The following BAZ2B variants were observed in gnomAD, a reference collection of about 807,000 sequenced individuals.
BAZ2B encodes bromodomain adjacent to zinc finger domain protein 2B.
A neutral mutation model predicts 246.0 loss-of-function variants in BAZ2B; 91 were observed. That is an observed-to-expected ratio of 0.37 (90% CI 0.31 to 0.44). The LOEUF (loss-of-function observed/expected upper bound fraction) is 0.44. Ranked by LOEUF, BAZ2B falls within the 20% of genes least tolerant of loss-of-function variation. BAZ2B has a pLI of 1.00. For missense variants in BAZ2B, 2,332 were observed against 2,533.7 expected (o/e 0.92, Z 1.71); for synonymous variants, 855 against 860.0 (o/e 0.99, Z 0.10).
chr2:159,661,825 G>A, the BAZ2B span, among the ~76,000 whole-genome samples: 1 of 151,650 alleles, frequency 6.6e-6, no homozygotes, highest in Non-Finnish European at 1.5e-5. Flanking sequence ...TACTAAGGTT[G>A]GTCTCGAACT....
chr2:159,671,605 A>G, the BAZ2B span, among the ~76,000 whole-genome samples: 1 of 152,192 alleles, frequency 6.6e-6, no homozygotes, highest in Non-Finnish European at 1.5e-5. Context: ...AACTTTTCAG[A>G]GGCCTGGTCA....
chr2:159,489,583 C>A (rs572573346), intron 2 of BAZ2B, among the ~76,000 whole-genome samples: 5 of 152,204 alleles, frequency 3.3e-5, no homozygotes, highest in African/African-American at 1.2e-4. Flanking sequence ...AAACCCCAAA[C>A]CGGATAAACC....
the BAZ2B span, among the ~76,000 whole-genome samples, chr2:159,708,484 G>A: frequency 9.2e-5 from 14 of 152,140 alleles, no homozygotes; most frequent in South Asian, 2.9e-3. Context: ...AAGCTTAGAT[G>A]TAAGAGAGGT....
At chr2:159,611,548 A>G (rs1694723101) in intron 1 of BAZ2B, among the ~76,000 whole-genome samples, 1 of 152,006 alleles carries the variant, frequency 6.6e-6, no homozygotes, top group African/African-American at 2.4e-5. Context: ...TCAGGAAATC[A>G]TAATTCTGGA....
At chr2:159,678,425 T>C in the BAZ2B span, among the ~76,000 whole-genome samples, 1 of 152,248 alleles carries the variant, frequency 6.6e-6, no homozygotes, top group African/African-American at 2.4e-5. Flanking sequence ...TCTTTGCATA[T>C]AGTTTCTTAG....
chr2:159,662,617 C>T, the BAZ2B span, among the ~76,000 whole-genome samples: 1 of 152,150 alleles, frequency 6.6e-6, no homozygotes, highest in Non-Finnish European at 1.5e-5. Context: ...CTCTGCTTCC[C>T]GGGCTCAAGT....
chr2:159,365,610 A>T (rs934334280), intron 27 of BAZ2B, among the ~76,000 whole-genome samples: 1 of 152,148 alleles, frequency 6.6e-6, no homozygotes, highest in African/African-American at 2.4e-5. Flanking sequence ...GGCAATTTTG[A>T]TTCTCTCTTT....
the BAZ2B span, chr2:159,689,075 G>A: frequency 1.4e-4 from 33 of 231,686 alleles, no homozygotes; most frequent in Middle Eastern, 1.4e-3. Flanking sequence ...ACAAAATACC[G>A]TAAAATCCAT....
chr2:159,647,831 A>C, the BAZ2B span, among the ~76,000 whole-genome samples: 3 of 152,220 alleles, frequency 2.0e-5, no homozygotes, highest in African/African-American at 7.2e-5. Flanking sequence ...AAGAGCTAGC[A>C]GCAAACATTT....
intron 2 of BAZ2B, among the ~76,000 whole-genome samples, chr2:159,536,054 C>T (rs1401608304): frequency 6.6e-6 from 1 of 152,138 alleles, no homozygotes; most frequent in Non-Finnish European, 1.5e-5. Context: ...TACAGATTTG[C>T]TGAACACATG....
intron 1 of BAZ2B, among the ~76,000 whole-genome samples, chr2:159,594,101 T>C (rs1396825321): frequency 6.6e-6 from 1 of 152,150 alleles, no homozygotes. Context: ...ATTCTGCATG[T>C]GCATTAAAAA....
chr2:159,448,028 G>GC (rs1245811782), intron 5 of BAZ2B, among the ~76,000 whole-genome samples: 1 of 152,100 alleles, frequency 6.6e-6, no homozygotes, highest in Admixed American at 6.6e-5. Flanking sequence ...GGAGGCTGAG[G>GC]CAGGAGGATT....
At chr2:159,528,829 T>G (rs1215897556) in intron 2 of BAZ2B, among the ~76,000 whole-genome samples, 1 of 151,858 alleles carries the variant, frequency 6.6e-6, no homozygotes, top group Non-Finnish European at 1.5e-5. Flanking sequence ...AGATGTTCTT[T>G]GAAGGAAGGG....
chr2:159,325,664 T>G lies in BAZ2B; in HGVS notation c.6198A>C (p.Leu2066=). 1 of 1,585,992 alleles carries G rather than the reference T, an allele frequency of 6.3e-7. No homozygotes were observed. The highest frequency in any genetic ancestry group is 1.4e-5 in the African/African-American group (1 of 72,928). The change falls in exon 35 of 37, where the codon CTA becomes CTC. Residue 2066 remains leucine, a synonymous_variant. Coordinates refer to ENST00000392783, the MANE Select transcript of BAZ2B (RefSeq NM_013450.4). ...AACGGAAATAATACCTGCAAAGAGC[T>G]AGGTCCTTGGAGTCATCTCTTTTAG... ...KKPKRDDSKD[L]ALCSMILTEM... is the part of the protein sequence containing the mutation.
At chr2:159,701,545 A>G in the BAZ2B span, among the ~76,000 whole-genome samples, 5 of 151,054 alleles carry the variant, frequency 3.3e-5, no homozygotes, top group Non-Finnish European at 4.4e-5. Flanking sequence ...TTCTGTTACA[A>G]CTAATTAAAA....
At chr2:159,491,443 A>G (rs980452655) in intron 2 of BAZ2B, among the ~76,000 whole-genome samples, 2 of 152,076 alleles carry the variant, frequency 1.3e-5, no homozygotes, top group South Asian at 2.1e-4. Flanking sequence ...TCTGTTGGCC[A>G]GGCGCGGTGG....
intron 2 of BAZ2B, among the ~76,000 whole-genome samples, chr2:159,489,538 A>C (rs1325612934): frequency 6.6e-6 from 1 of 152,186 alleles, no homozygotes; most frequent in Non-Finnish European, 1.5e-5. Context: ...TTTTTGGTTA[A>C]AGACATAAAA....
At chr2:159,401,815 C>G (rs1427083447) in intron 16 of BAZ2B, among the ~76,000 whole-genome samples, 1 of 151,876 alleles carries the variant, frequency 6.6e-6, no homozygotes, top group African/African-American at 2.4e-5. Context: ...TTCAAAAGTC[C>G]CAAATTGGCA....
At chr2:159,502,530 A>G (rs1242277550) in intron 2 of BAZ2B, among the ~76,000 whole-genome samples, 1 of 151,140 alleles carries the variant, frequency 6.6e-6, no homozygotes, top group Non-Finnish European at 1.5e-5. Context: ...GATTCTTGGG[A>G]GGCTGAGACA....
Sources: allele counts gnomAD v4.1 joint callset (sites outside exome capture counted in the v4.1 genomes callset), GRCh38; gene constraint gnomAD v4.1.1; transcripts MANE v1.5; gene names NCBI Gene and HGNC (gene_info 2026-07-23, HGNC 2026-07-21).